ABHD6: variants seen among roughly 807,000 people sequenced by gnomAD.
The protein encoded by ABHD6 is monoacylglycerol lipase ABHD6.
Under a neutral mutation model 38.8 loss-of-function variants are expected in ABHD6, and 33 were observed. That is an observed-to-expected ratio of 0.85 (90% CI 0.64 to 1.14). The LOEUF (loss-of-function observed/expected upper bound fraction) is 1.14, where lower values mean the gene tolerates loss of function less well. Ranked by LOEUF, ABHD6 falls within the 50% of genes most tolerant of loss-of-function variation. ABHD6 has a pLI of 0.00. For missense variants in ABHD6, 380 were observed against 422.6 expected, an observed-to-expected ratio of 0.90 and a Z score of 0.88; for synonymous variants, 147 against 161.6, an observed-to-expected ratio of 0.91 and a Z score of 0.69.
In ABHD6 at chr3:58,285,432, C is replaced by G. The variant is rs1165100416; in HGVS notation, c.816C>G (p.Ile272Met). The change falls in exon 9 of 10, where the codon ATC (isoleucine) becomes ATG (methionine). Residue 272 changes from isoleucine (I) to methionine (M), a missense_variant. Ile to Met is a conservative substitution (Grantham distance 10). Transcript: ENST00000478253. This position sits in a 1 kb window ranked among gnomAD's most constrained non-coding sequence, Gnocchi z 4.9. Reference sequence around the variant, plus strand: ...ACAAGATCAAGGTTCCGACGCAGATCATCTGGGGGAAACAAGACCAGGTAT... The same window carrying G: ...ACAAGATCAAGGTTCCGACGCAGATGATCTGGGGGAAACAAGACCAGGTAT... ...NMDKIKVPTQ[I>M]IWGKQDQVLD... is the part of the protein sequence containing the mutation. 6.2e-7 allele frequency: 1 copy of G among 1,614,078 alleles called. No individual in the cohort carries two copies. The highest frequency in any genetic ancestry group is 1.3e-5 in the African/African-American group (1 of 75,048).
rs764558800 is a variant in ABHD6, at chr3:58,267,320, A to C, written c.251A>C (p.Lys84Thr). 1 of 1,614,098 alleles carries C rather than the reference A, an allele frequency of 6.2e-7. No homozygotes were observed. Among genetic ancestry groups the C allele is most frequent in the South Asian group, 1.1e-5 (1 of 91,078 alleles). Residue 84 changes from lysine to threonine, a missense_variant, in exon 4 of 10, where the codon AAG becomes ACG. Physicochemically the swap from Lys to Thr is moderately conservative, Grantham distance 78 (BLOSUM62 -1). Coordinates refer to ENST00000478253, the MANE Select transcript of ABHD6 (RefSeq NM_001320126.2). The surrounding 1 kb of genome is among the most constrained non-coding windows in gnomAD (Gnocchi z 4.3). The part of the protein sequence containing the change: ...ILMLHGFSAH[K>T]DMWLSVVKFL... ...ATGCTCCACGGATTCTCTGCCCACA[A>C]GGATATGTGGCTCAGTGTGGTCAAG...
At chr3:58,283,814 C>T (rs1488568581) in intron 7 of ABHD6, among the ~76,000 whole-genome samples, 1 of 152,126 alleles carries the variant, frequency 6.6e-6, no homozygotes, top group Non-Finnish European at 1.5e-5. Flanking sequence ...TGGATGGACA[C>T]AAGATGAATA....
rs1249133502 is a variant in ABHD6 at position 58,237,806 on chromosome 3, A to G, written c.-201A>G. The G allele has an allele frequency of 6.6e-6, 1 of 151,814 alleles. No individual in the cohort carries two copies. The highest frequency in any genetic ancestry group is 1.5e-5 in the Non-Finnish European group (1 of 67,938). The allele number at this position is 151,814 out of a possible 1,614,324, so 9.4% of individuals were successfully genotyped here. A position where few individuals can be genotyped will look rare whatever the true frequency, so the allele number is the denominator to read the frequency against. ...GGAGTCCAGCTGGGCTGGGCGCCGG[A>G]GCTGGGAGCGGCGCGGGTAGGAGCC... On this transcript the variant is annotated 5_prime_UTR_variant, in exon 1 of 10. Coordinates refer to ENST00000478253, the MANE Select transcript of ABHD6 (RefSeq NM_001320126.2).
At position 58,269,194 on chromosome 3, in the gene ABHD6, G is replaced by A. The variant is rs1419470614; in HGVS notation, c.277-127G>A. 3.1e-6 allele frequency: 2 copies of A among 638,402 alleles called. No individual in the cohort carries two copies. The highest frequency in any genetic ancestry group is 1.8e-5 in the South Asian group (1 of 55,062). The allele number at this position is 638,402 out of a possible 1,614,324, so 39.5% of individuals were successfully genotyped here. ...TTCAATTACTGGGGTAAAACACTGAGTGGCCAAGACCCATACATCCCCAGG... is the reference window on the plus strand; with the variant it reads ...TTCAATTACTGGGGTAAAACACTGAATGGCCAAGACCCATACATCCCCAGG... On this transcript the variant is annotated intron_variant, in intron 4 of 9. Coordinates refer to ENST00000478253, the MANE Select transcript of ABHD6 (RefSeq NM_001320126.2). This position sits in a 1 kb window ranked among gnomAD's most constrained non-coding sequence, Gnocchi z 4.4.
chr3:58,292,211 C>G (rs1256369613), intron 9 of ABHD6, among the ~76,000 whole-genome samples: 2 of 152,190 alleles, frequency 1.3e-5, no homozygotes, highest in Non-Finnish European at 2.9e-5. Flanking sequence ...TTTTCCTTGA[C>G]TGAGGCATCG....
At chr3:58,270,080 A>G (rs536368023) in intron 5 of ABHD6, among the ~76,000 whole-genome samples, 60 of 152,174 alleles carry the variant, frequency 3.9e-4, no homozygotes, top group Non-Finnish European at 8.1e-4. Context: ...CCTGTACATA[A>G]TAGATATCCA....
At chr3:58,274,848 TC>T (rs774062910) in intron 7 of ABHD6, 33 bp downstream of exon 7, 4 of 1,602,514 alleles carry the variant, frequency 2.5e-6, no homozygotes, top group Non-Finnish European at 1.7e-6. Context: ...ACAACTACCC[TC>T]CCCAGAGGCC....
At chr3:58,275,580 G>A (rs2097448173) in intron 7 of ABHD6, among the ~76,000 whole-genome samples, 1 of 152,064 alleles carries the variant, frequency 6.6e-6, no homozygotes, top group African/African-American at 2.4e-5. Context: ...GTCCACCTCA[G>A]CCTCCCAAAG....
At chr3:58,275,329 TC>T (rs1416617394) in intron 7 of ABHD6, among the ~76,000 whole-genome samples, 4 of 117,390 alleles carry the variant, frequency 3.4e-5, no homozygotes, top group African/African-American at 1.7e-4. Flanking sequence ...CCCCTTATAC[TC>T]TTTTTTTTTT....
rs954811851 is a variant in ABHD6, at chr3:58,267,481, A to G, written c.276+136A>G. The G allele has an allele frequency of 4.3e-5, 48 of 1,125,942 alleles. No homozygotes were observed. Among genetic ancestry groups the G allele is most frequent in the African/African-American group, 1.4e-4 (9 of 63,188 alleles). 69.7% of individuals were successfully genotyped at this position (1,125,942 alleles called of 1,614,324 possible). ...GGAGTTCAAAACCAGCCTGGACAAC[A>G]TAAAGAAACCCTGTCTCTACAAAAA... On this transcript the variant is annotated intron_variant, in intron 4 of 9. Coordinates refer to ENST00000478253, the MANE Select transcript of ABHD6 (RefSeq NM_001320126.2). The surrounding 1 kb of genome is among the most constrained non-coding windows in gnomAD (Gnocchi z 4.3).
At chr3:58,249,441 G>GC (rs2097428547) in intron 1 of ABHD6, among the ~76,000 whole-genome samples, 1 of 152,116 alleles carries the variant, frequency 6.6e-6, no homozygotes, top group Non-Finnish European at 1.5e-5. Context: ...GAGCGGTGCA[G>GC]CCCCCCTGAC....
intron 9 of ABHD6, among the ~76,000 whole-genome samples, chr3:58,286,851 T>TATATATATATATATATAC (rs1553721730): frequency 3.2e-5 from 2 of 62,398 alleles, no homozygotes; most frequent in African/African-American, 1.1e-4. Flanking sequence ...TGTGTGTGTG[T>TATATATATATATATATAC]GTATATATAT....
In ABHD6 at chr3:58,273,203, G is replaced by A. The variant is rs867069124; in HGVS notation, c.524-1455G>A. Among the ~76,000 whole-genome samples, 11 of 152,194 alleles carry A rather than the reference G, an allele frequency of 7.2e-5. No homozygotes were observed. The highest frequency in any genetic ancestry group is 2.0e-4 in the Admixed American group (3 of 15,288). On this transcript the variant is annotated intron_variant, in intron 6 of 9. Coordinates refer to ENST00000478253, the MANE Select transcript of ABHD6 (RefSeq NM_001320126.2). This position sits in a 1 kb window ranked among gnomAD's most constrained non-coding sequence, Gnocchi z 4.8. ...TTTGCTGGACATAGATTTGCAAAGC[G>A]TGGGTTTCTGCATCACGACCAATAT...
chr3:58,242,810 T>C (rs1351987048), intron 1 of ABHD6, among the ~76,000 whole-genome samples: 1 of 152,196 alleles, frequency 6.6e-6, no homozygotes, highest in South Asian at 2.1e-4. Flanking sequence ...CCATGTTGGT[T>C]TGCTGCACCC....
rs2097429676 is a variant in ABHD6, at chr3:58,251,200, C to T, written c.-26+1258C>T. Among the ~76,000 whole-genome samples, 1 of 151,966 alleles carries T rather than the reference C, an allele frequency of 6.6e-6. No homozygotes were observed. Among genetic ancestry groups the T allele is most frequent in the Admixed American group, 6.5e-5 (1 of 15,270 alleles). On this transcript the variant is annotated intron_variant, in intron 2 of 9. Coordinates refer to ENST00000478253, the MANE Select transcript of ABHD6 (RefSeq NM_001320126.2). This position sits in a 1 kb window ranked among gnomAD's most constrained non-coding sequence, Gnocchi z 5.4. ...GGCATGGTGGCAGATGCCTGTAATC[C>T]CAGCTACTCAGGAGGCTGAGACAGG...
In ABHD6 at chr3:58,269,751, A is replaced by G. The variant is rs975072993; in HGVS notation, c.390+317A>G. Among the ~76,000 whole-genome samples the G allele has an allele frequency of 1.3e-5, 2 of 152,234 alleles. No homozygotes were observed. The highest frequency in any genetic ancestry group is 2.9e-5 in the Non-Finnish European group (2 of 68,036). On this transcript the variant is annotated intron_variant, in intron 5 of 9. Transcript: ENST00000478253. The surrounding 1 kb of genome is among the most constrained non-coding windows in gnomAD (Gnocchi z 4.4). ...TTCCTAGGGATCTCTCTTTCTGCTC[A>G]CCAGTTATATGATAACAGTAATAGC...
chr3:58,267,446 C>G lies in ABHD6; in HGVS notation c.276+101C>G. 1 of 1,468,698 alleles carries G rather than the reference C, an allele frequency of 6.8e-7. No homozygotes were observed. Among genetic ancestry groups the G allele is most frequent in the Non-Finnish European group, 9.3e-7 (1 of 1,071,278 alleles). The allele number at this position is 1,468,698 out of a possible 1,614,324, so 91.0% of individuals were successfully genotyped here. ...TTGGGAGCCTGAGGCAGGAGGATTG[C>G]TTGAGTCCAGGAGTTCAAAACCAGC... On this transcript the variant is annotated intron_variant, in intron 4 of 9. Coordinates refer to ENST00000478253, the MANE Select transcript of ABHD6 (RefSeq NM_001320126.2). The surrounding 1 kb of genome is among the most constrained non-coding windows in gnomAD (Gnocchi z 4.3).
intron 9 of ABHD6, among the ~76,000 whole-genome samples, chr3:58,292,517 A>G (rs7626140): frequency 0.78 from 119,187 of 152,062 alleles, 47,440 homozygotes; most frequent in East Asian, 1. Context: ...TTTGAAAAGG[A>G]TCAGCCCTGG....
intron 7 of ABHD6, among the ~76,000 whole-genome samples, chr3:58,281,331 G>A (rs185125912): frequency 2.0e-4 from 31 of 152,308 alleles, no homozygotes; most frequent in East Asian, 5.8e-4. Context: ...CCAGGCTGCC[G>A]CCTTGCAGTT....
Sources: gnomAD v4.1 joint callset for allele counts (sites outside exome capture counted in the v4.1 genomes callset) on GRCh38, gnomAD v4.1.1 for gene constraint, Gnocchi (gnomAD v3.1) non-coding constraint, MANE v1.5 for transcripts, NCBI Gene and HGNC (gene_info 2026-07-23, HGNC 2026-07-21) for gene names.